Variants in GAREM1 observed in about 807,000 individuals in gnomAD.
GAREM1 encodes GRB2 associated regulator of MAPK1 subtype 1, also known as GRB2-associated and regulator of MAPK protein 1.
A neutral mutation model predicts 71.3 loss-of-function variants in GAREM1; 26 were observed. The observed-to-expected ratio is 0.36, with a 90% CI of 0.27 to 0.51. The LOEUF (loss-of-function observed/expected upper bound fraction) is 0.51, where lower values mean the gene tolerates loss of function less well. Ranked by LOEUF, GAREM1 falls within the 20% of genes least tolerant of loss-of-function variation. The pLI is 0.95. For synonymous variants in GAREM1, 440 were observed against 433.2 expected, an observed-to-expected ratio of 1.02 and a Z score of -0.20; for missense variants, 1,026 against 1,103.1, an observed-to-expected ratio of 0.93 and a Z score of 0.99.
chr18:32,364,020 ATATATATGT>A (rs2047900617), intron 2 of GAREM1, among the ~76,000 whole-genome samples: 2 of 49,520 alleles, frequency 4.0e-5, no homozygotes, highest in African/African-American at 3.1e-4. Flanking sequence ...ATATATATAT[ATATATATGT>A]TTTTTTTTTT....
At chr18:32,368,669 A>G (rs2047949149) in intron 2 of GAREM1, among the ~76,000 whole-genome samples, 1 of 152,214 alleles carries the variant, frequency 6.6e-6, no homozygotes. Context: ...ATTAATTTTA[A>G]TGAATGAAAT....
chr18:32,267,826 C>T lies in GAREM1; in HGVS notation c.*45G>A. ...GTGTCCCAGCCCACCCCTTCTAGCA[C>T]ACGCATTGATCAGTTTTGTTCCATG... On this transcript the variant is annotated 3_prime_UTR_variant, in exon 6 of 6. Coordinates refer to ENST00000269209, the MANE Select transcript of GAREM1 (RefSeq NM_001242409.2). 6.7e-7 allele frequency: 1 copy of T among 1,502,542 alleles called. No individual in the cohort carries two copies. The highest frequency in any genetic ancestry group is 9.1e-7 in the Non-Finnish European group (1 of 1,099,730). The allele number at this position is 1,502,542 out of a possible 1,614,324, so 93.1% of individuals were successfully genotyped here. A position where few individuals can be genotyped will look rare whatever the true frequency, so the allele number is the denominator to read the frequency against.
At chr18:32,329,703 T>TTAAAAAAA (rs775188919) in intron 2 of GAREM1, among the ~76,000 whole-genome samples, 1 of 78,186 alleles carries the variant, frequency 1.3e-5, no homozygotes, top group African/African-American at 5.6e-5. Context: ...GAGACTCCAT[T>TTAAAAAAA]AAAAAAAAAA....
At chr18:32,422,917 T>C (rs192070375) in intron 1 of GAREM1, among the ~76,000 whole-genome samples, 25 of 152,324 alleles carry the variant, frequency 1.6e-4, no homozygotes, top group Admixed American at 1.1e-3. Flanking sequence ...GATCAGTCAG[T>C]GGCGACAGCA....
intron 2 of GAREM1, among the ~76,000 whole-genome samples, chr18:32,327,686 G>A (rs1372135355): frequency 1.3e-5 from 2 of 152,148 alleles, no homozygotes; most frequent in African/African-American, 2.4e-5. Context: ...TGCACAACGT[G>A]GTGTTCAAAT....
intron 2 of GAREM1, among the ~76,000 whole-genome samples, chr18:32,340,908 A>G (rs993418803): frequency 6.6e-6 from 1 of 152,170 alleles, no homozygotes; most frequent in Non-Finnish European, 1.5e-5. Flanking sequence ...AGTGTGTTAC[A>G]TGCCCTTGCT....
chr18:32,380,474 T>TAAAAAA (rs35881689), intron 2 of GAREM1, among the ~76,000 whole-genome samples: 24 of 92,420 alleles, frequency 2.6e-4, no homozygotes, highest in Non-Finnish European at 3.9e-4. Context: ...AGACTTCATT[T>TAAAAAA]AAAAAAAAAA....
chr18:32,422,468 G>A (rs2048528639), intron 1 of GAREM1, among the ~76,000 whole-genome samples: 1 of 152,032 alleles, frequency 6.6e-6, no homozygotes, highest in Non-Finnish European at 1.5e-5. Context: ...TCCACACTAG[G>A]CTGAGAGCTC....
chr18:32,405,380 T>C (rs1255508294), intron 1 of GAREM1, among the ~76,000 whole-genome samples: 2 of 152,118 alleles, frequency 1.3e-5, no homozygotes, highest in Non-Finnish European at 2.9e-5. Context: ...GTATTTTTAG[T>C]AGAGACAGGG....
intron 1 of GAREM1, among the ~76,000 whole-genome samples, chr18:32,466,084 T>C (rs897478724): frequency 6.6e-6 from 1 of 152,220 alleles, no homozygotes. Context: ...TAATTTCCAA[T>C]TCTTTGTTTT....
At chr18:32,409,806 G>C (rs1329138418) in intron 1 of GAREM1, among the ~76,000 whole-genome samples, 11 of 152,080 alleles carry the variant, frequency 7.2e-5, no homozygotes, top group Admixed American at 7.2e-4. Flanking sequence ...AAACAGATAA[G>C]CAACTGTAGT....
At chr18:32,389,377 C>A (rs2048175310) in intron 2 of GAREM1, among the ~76,000 whole-genome samples, 1 of 152,176 alleles carries the variant, frequency 6.6e-6, no homozygotes, top group African/African-American at 2.4e-5. Flanking sequence ...GGTAAACACT[C>A]TGAAAGGTGT....
At position 32,268,289 on chromosome 18, in the gene GAREM1, G is replaced by A; in HGVS notation, c.2213C>T (p.Ala738Val). Residue 738 changes from alanine (A) to valine (V), a missense_variant, in exon 6 of 6, where the codon GCC (alanine) becomes GTC (valine). Ala to Val is a moderately conservative substitution (Grantham distance 64, BLOSUM62 0). Around this residue, in one of 3 missense-constraint regions of GAREM1, gnomAD observed 636 missense variants for 631.2 expected, o/e 1.01. Coordinates refer to ENST00000269209, the MANE Select transcript of GAREM1 (RefSeq NM_001242409.2). ...RAPKLVEEKVASETSPLPLKI... is the reference protein window; with the variant it reads ...RAPKLVEEKVVSETSPLPLKI... ...CAGAGGCAAAGGAGATGTTTCGGAG[G>A]CGACCTTCTCTTCCACTAGTTTTGG... 1 of 1,614,146 alleles carries A rather than the reference G, an allele frequency of 6.2e-7. No individual in the cohort carries two copies. Among genetic ancestry groups the A allele is most frequent in the Non-Finnish European group, 8.5e-7 (1 of 1,180,026 alleles).
chr18:32,331,600 C>G (rs1025262496), intron 2 of GAREM1: 1 of 152,228 alleles, frequency 6.6e-6, no homozygotes, highest in Non-Finnish European at 1.5e-5. Context: ...CCCAGAAGAC[C>G]GTGAAAACAG....
intron 2 of GAREM1, among the ~76,000 whole-genome samples, chr18:32,384,308 G>A (rs368191242): frequency 1.3e-5 from 2 of 152,052 alleles, no homozygotes; most frequent in East Asian, 1.9e-4. Context: ...GGAACAAAAC[G>A]ACCCAGTGAA....
At chr18:32,387,102 G>A (rs931220062) in intron 2 of GAREM1, among the ~76,000 whole-genome samples, 8 of 144,504 alleles carry the variant, frequency 5.5e-5, no homozygotes, top group Admixed American at 4.0e-4. Context: ...ATAAACAAGG[G>A]CCCCGAGACA....
chr18:32,463,987 TA>T (rs558638151), intron 1 of GAREM1, among the ~76,000 whole-genome samples: 41,842 of 123,208 alleles, frequency 0.34, 6,400 homozygotes, highest in Admixed American at 0.37. Flanking sequence ...AGTACGTGGT[TA>T]AAAAAAAAAA....
At position 32,469,573 on chromosome 18, in the gene GAREM1, CAGTT is replaced by C. The variant is rs1371980017; in HGVS notation, c.121+731_121+734del. Among the ~76,000 whole-genome samples the C allele has an allele frequency of 2.6e-5, 4 of 152,186 alleles. No individual in the cohort carries two copies. The East Asian group carries it at 7.7e-4, about 29-fold the overall frequency. Reference sequence around the variant, plus strand: ...TGCAGCTGTCACACCGCAGAATAAACAGTTGGAGGAAGGAGTTGGGTGGGTTTCT... The same window carrying C: ...TGCAGCTGTCACACCGCAGAATAAACGGAGGAAGGAGTTGGGTGGGTTTCT... On this transcript the variant is annotated intron_variant, in intron 1 of 5. Coordinates refer to ENST00000269209, the MANE Select transcript of GAREM1 (RefSeq NM_001242409.2).
At chr18:32,404,867 A>G (rs1336255959) in intron 1 of GAREM1, among the ~76,000 whole-genome samples, 1 of 152,214 alleles carries the variant, frequency 6.6e-6, no homozygotes, top group East Asian at 1.9e-4. Context: ...TACATATATA[A>G]TAAGAATCAG....
Sources: allele counts gnomAD v4.1 joint callset (sites outside exome capture counted in the v4.1 genomes callset), GRCh38; gene constraint gnomAD v4.1.1; regional missense constraint gnomAD v4.1.1; transcripts MANE v1.5; gene names NCBI Gene and HGNC (gene_info 2026-07-23, HGNC 2026-07-21).